OCA2: variants seen among roughly 807,000 people sequenced by gnomAD.
The protein encoded by OCA2 is OCA2 melanosomal transmembrane protein, also known as P protein.
OCA2 carries 77 observed loss-of-function variants against 100.2 expected under a neutral mutation model. The ratio of observed to expected loss-of-function variants is 0.77; its 90% confidence interval spans 0.64 to 0.93. The LOEUF (loss-of-function observed/expected upper bound fraction) is 0.93, where lower values mean the gene tolerates loss of function less well. Among genes scored for constraint, OCA2 ranks in the 40% least tolerant of loss-of-function variants. The pLI, the probability that OCA2 is intolerant of heterozygous loss-of-function variation, is 0.00. For missense variants in OCA2, 1,062 were observed against 1,089.1 expected (o/e 0.98, Z 0.35); for synonymous variants, 432 against 439.2 (o/e 0.98, Z 0.21).
rs746027649 is a variant in OCA2, at chr15:27,983,496, G to A, written c.1365-13C>T. ...CACCTCACACAACCTGTCACAAATG[G>A]AGGAAAATGAAAGTAGTCCCACTAT... On this transcript the variant is annotated splice_polypyrimidine_tract_variant and intron_variant, in intron 13 of 23. Transcript: ENST00000354638. 4 of 1,613,964 alleles carry A rather than the reference G, an allele frequency of 2.5e-6. No individual in the cohort carries two copies. The East Asian group carries it at 6.7e-5, about 27-fold the overall frequency.
At chr15:27,769,418 G>A (rs182153786) in intron 23 of OCA2, among the ~76,000 whole-genome samples, 1 of 152,298 alleles carries the variant, frequency 6.6e-6, no homozygotes, top group Admixed American at 6.5e-5. Flanking sequence ...TGCCCGGAGC[G>A]TTTCCAACAG....
intron 2 of OCA2, among the ~76,000 whole-genome samples, 180 bp downstream of exon 2, chr15:28,081,468 T>C (rs905065876): frequency 1.3e-5 from 2 of 152,182 alleles, no homozygotes; most frequent in African/African-American, 4.8e-5. Context: ...CTAAATTAAG[T>C]TCATCATATT....
Position 27,755,068 on chromosome 15 carries a change from G to A in OCA2, c.*320C>T. ...AGTTAAACAGTACAGTCAATTTTAG[G>A]TGGATGTGTGTCTTTTCCTATGTAT... On this transcript the variant is annotated 3_prime_UTR_variant, in exon 24 of 24. Transcript: ENST00000354638. The A allele has an allele frequency of 2.8e-6, 1 of 352,976 alleles. No individual in the cohort carries two copies. The highest frequency in any genetic ancestry group is 2.4e-5 in the South Asian group (1 of 40,902). The allele number at this position is 352,976 out of a possible 1,614,324, so 21.9% of individuals were successfully genotyped here.
the OCA2 span, among the ~76,000 whole-genome samples, chr15:27,742,611 A>T: frequency 6.6e-6 from 1 of 152,254 alleles, no homozygotes; most frequent in African/African-American, 2.4e-5. Flanking sequence ...CACTGTCTGC[A>T]GAAGCAAGCT....
At chr15:27,800,702 T>C (rs538004367) in intron 23 of OCA2, among the ~76,000 whole-genome samples, 71 of 152,086 alleles carry the variant, frequency 4.7e-4, no homozygotes, top group African/African-American at 1.7e-3. Flanking sequence ...TGGTGGCTCA[T>C]ATCTGTAATC....
chr15:27,970,474 C>A (rs2040737306), intron 14 of OCA2, among the ~76,000 whole-genome samples: 1 of 152,202 alleles, frequency 6.6e-6, no homozygotes, highest in African/African-American at 2.4e-5. Flanking sequence ...AACGCCCCAG[C>A]AGGCACGGCA....
chr15:28,020,849 T>C (rs2042571382), intron 6 of OCA2, among the ~76,000 whole-genome samples: 1 of 152,164 alleles, frequency 6.6e-6, no homozygotes, highest in Non-Finnish European at 1.5e-5. Context: ...GTGACCAGTG[T>C]GCCCCCGGCT....
chr15:27,871,952 G>A (rs774035027), intron 19 of OCA2, 30 bp from the exon 20 acceptor site: 1 of 1,513,532 alleles, frequency 6.6e-7, no homozygotes, highest in Non-Finnish European at 9.2e-7. Context: ...GTGAGAATCA[G>A]TTTAGAACCG....
At chr15:27,913,223 C>T (rs764675795) in intron 19 of OCA2, among the ~76,000 whole-genome samples, 9 of 151,930 alleles carry the variant, frequency 5.9e-5, no homozygotes, top group Admixed American at 1.3e-4. Flanking sequence ...TTTCTGGTTT[C>T]GATAGTTTTA....
At chr15:27,777,915 T>C (rs16950417) in intron 23 of OCA2, among the ~76,000 whole-genome samples, 3,670 of 152,322 alleles carry the variant, frequency 0.024, 167 homozygotes, top group African/African-American at 0.084. Context: ...ACAGAGGTAC[T>C]CGTGACTCTT....
chr15:27,954,293 A>T (rs1355956418), intron 17 of OCA2, among the ~76,000 whole-genome samples: 2 of 152,120 alleles, frequency 1.3e-5, no homozygotes, highest in Non-Finnish European at 2.9e-5. Flanking sequence ...CATGACTAAA[A>T]CACCACAGTC....
At chr15:27,868,560 G>A (rs8032910) in intron 21 of OCA2, among the ~76,000 whole-genome samples, 2,242 of 152,202 alleles carry the variant, frequency 0.015, 43 homozygotes, top group African/African-American at 0.047. Flanking sequence ...TGTCGGGGGT[G>A]GAGGGAGGGG....
intron 23 of OCA2, among the ~76,000 whole-genome samples, chr15:27,837,433 T>C (rs949976297): frequency 6.6e-6 from 1 of 152,094 alleles, no homozygotes; most frequent in Non-Finnish European, 1.5e-5. Flanking sequence ...AACTAGAAGA[T>C]GGAGAGCACC....
intron 19 of OCA2, among the ~76,000 whole-genome samples, chr15:27,901,389 T>C (rs1567081442): frequency 6.6e-6 from 1 of 152,154 alleles, no homozygotes; most frequent in Non-Finnish European, 1.5e-5. Context: ...CAGGACTTGA[T>C]GGGTGGGAGG....
intron 19 of OCA2, among the ~76,000 whole-genome samples, chr15:27,888,843 T>C (rs1437947629): frequency 6.6e-6 from 1 of 152,198 alleles, no homozygotes; most frequent in Non-Finnish European, 1.5e-5. Context: ...GAGTGGTTTT[T>C]CCGGGTCTGT....
At chr15:27,974,816 T>A (rs1273011765) in intron 14 of OCA2, among the ~76,000 whole-genome samples, 2 of 152,188 alleles carry the variant, frequency 1.3e-5, no homozygotes, top group Non-Finnish European at 2.9e-5. Flanking sequence ...AGACAAGGAA[T>A]GCTGTCTTCA....
chr15:27,729,047 C>T, the OCA2 span, among the ~76,000 whole-genome samples: 1 of 152,196 alleles, frequency 6.6e-6, no homozygotes, highest in Admixed American at 6.5e-5. Context: ...AAATCACTTA[C>T]AGGTTCTGCT....
chr15:28,003,496 A>G (rs2041991616), intron 9 of OCA2, among the ~76,000 whole-genome samples: 2 of 151,974 alleles, frequency 1.3e-5, no homozygotes, highest in South Asian at 4.1e-4. Context: ...AAGCCAGGAG[A>G]TGTTACTCTG....
chr15:27,845,011 C>A lies in OCA2; in HGVS notation c.2380G>T (p.Ala794Ser), dbSNP rs755459907. ...LIGASANVVC[A>S]GIAEQHGYGF... ...TATCCATGCTGTTCTGCAATCCCTG[C>A]ACACACGACGTTTGCCGACGCGCCA... The change falls in exon 23 of 24, where the codon GCA becomes TCA. Residue 794 changes from alanine to serine, a missense_variant. Transcript: ENST00000354638. 71 of 1,613,994 alleles carry A rather than the reference C, an allele frequency of 4.4e-5. No homozygotes were observed. The highest frequency in any genetic ancestry group is 5.8e-5 in the Non-Finnish European group (69 of 1,180,010).
Sources: gnomAD v4.1 joint callset for allele counts (sites outside exome capture counted in the v4.1 genomes callset) on GRCh38, gnomAD v4.1.1 for gene constraint, MANE v1.5 for transcripts, NCBI Gene and HGNC (gene_info 2026-07-23, HGNC 2026-07-21) for gene names.